The following SNX30 variants were observed in gnomAD, a reference collection of about 807,000 sequenced individuals.
SNX30 encodes sorting nexin family member 30, also known as sorting nexin-30.
SNX30 carries 24 observed loss-of-function variants against 46.4 expected under a neutral mutation model. The ratio of observed to expected loss-of-function variants is 0.52; its 90% CI spans 0.37 to 0.73. The LOEUF (loss-of-function observed/expected upper bound fraction) is 0.73, where lower values mean the gene tolerates loss of function less well. Ranked by LOEUF, SNX30 falls within the 30% of genes least tolerant of loss-of-function variation. The pLI, the probability that SNX30 is intolerant of heterozygous loss-of-function variation, is 0.00. For synonymous variants in SNX30, 189 were observed against 211.5 expected, an observed-to-expected ratio of 0.89 and a Z score of 0.92; for missense variants, 533 against 555.7, an observed-to-expected ratio of 0.96 and a Z score of 0.41.
Position 112,874,469 on chromosome 9 carries a change from G to A in SNX30, c.*5626G>A, listed in dbSNP as rs1356956831. 1.3e-5 allele frequency: 2 copies of A among 152,192 alleles called. No homozygotes were observed. Among genetic ancestry groups the A allele is most frequent in the East Asian group, 3.8e-4 (2 of 5,200 alleles). 9.4% of individuals were successfully genotyped at this position (152,192 alleles called of 1,614,324 possible). On this transcript the variant is annotated 3_prime_UTR_variant, in exon 9 of 9. Transcript: ENST00000374232. ...GATTAAAAACTTCGGCTTTGGACAT[G>A]TCCACATTATGGACTGTCATCTTAT...
At chr9:112,865,241 A>G (rs2131508395) in intron 8 of SNX30, among the ~76,000 whole-genome samples, 1 of 149,710 alleles carries the variant, frequency 6.7e-6, no homozygotes, top group African/African-American at 2.5e-5. Flanking sequence ...CACACACACC[A>G]TACACACACC....
At chr9:112,857,525 G>A (rs914161867) in intron 7 of SNX30, among the ~76,000 whole-genome samples, 7 of 152,284 alleles carry the variant, frequency 4.6e-5, no homozygotes, top group South Asian at 4.1e-4. Flanking sequence ...ACTCAGCAGC[G>A]TGTGGCTGTC....
rs144067392 is a variant in SNX30 at position 112,773,040 on chromosome 9, C to A, written c.156+21883C>A. 5.7e-3 allele frequency among the ~76,000 whole-genome samples: 871 copies of A among 152,280 alleles called. 5 individuals are homozygous for A. The highest frequency in any genetic ancestry group is 0.011 in the African/African-American group (471 of 41,560). ...AAGCTAAATGAATAAAGCATACTTACCACCTCTTGTTCCAAAGCAAGGAAG... is the reference window on the plus strand; with the variant it reads ...AAGCTAAATGAATAAAGCATACTTAACACCTCTTGTTCCAAAGCAAGGAAG... On this transcript the variant is annotated intron_variant, in intron 1 of 8. Transcript: ENST00000374232.
intron 1 of SNX30, among the ~76,000 whole-genome samples, chr9:112,766,093 C>T (rs886715492): frequency 5.3e-5 from 8 of 152,144 alleles, no homozygotes; most frequent in East Asian, 1.9e-4. Context: ...TGAGCCACCA[C>T]GCCCAGCCTA....
intron 1 of SNX30, among the ~76,000 whole-genome samples, chr9:112,772,337 A>G (rs1261929808): frequency 2.0e-5 from 3 of 151,754 alleles, no homozygotes; most frequent in Admixed American, 6.6e-5. Flanking sequence ...AGTTGCCTTC[A>G]CTCTTCTGCT....
chr9:112,869,186 G>A lies in SNX30; in HGVS notation c.*343G>A, dbSNP rs1841406985. On this transcript the variant is annotated 3_prime_UTR_variant, in exon 9 of 9. Coordinates refer to ENST00000374232, the MANE Select transcript of SNX30 (RefSeq NM_001012994.2). ...CATGACAGTTTCCTCTTTAGGGACAGCTGAGTTGCCAGTTGTGGGAGAGAA... is the reference window on the plus strand; with the variant it reads ...CATGACAGTTTCCTCTTTAGGGACAACTGAGTTGCCAGTTGTGGGAGAGAA... 3 of 243,662 alleles carry A rather than the reference G, an allele frequency of 1.2e-5. No individual in the cohort carries two copies. The South Asian group carries it at 1.9e-4, about 15-fold the overall frequency. The allele number at this position is 243,662 out of a possible 1,614,324, so 15.1% of individuals were successfully genotyped here.
intron 6 of SNX30, 144 bp from the exon 7 acceptor site, chr9:112,850,715 G>A: frequency 3.9e-6 from 2 of 508,874 alleles, no homozygotes; most frequent in South Asian, 3.8e-5. Context: ...TTTCTGCCAT[G>A]GCCAGACTGT....
At chr9:112,841,097 C>G (rs754508994) in intron 6 of SNX30, among the ~76,000 whole-genome samples, 14 of 152,216 alleles carry the variant, frequency 9.2e-5, no homozygotes, top group Non-Finnish European at 2.1e-4. Context: ...TTTTACAATT[C>G]CTGGAGTGTC....
At chr9:112,834,372 G>A (rs1407419494) in intron 4 of SNX30, among the ~76,000 whole-genome samples, 3 of 152,158 alleles carry the variant, frequency 2.0e-5, no homozygotes, top group Non-Finnish European at 2.9e-5. Flanking sequence ...TGGGCTTCCC[G>A]TGACCTCTTC....
At chr9:112,761,468 A>C (rs1364925038) in intron 1 of SNX30, among the ~76,000 whole-genome samples, 1 of 151,976 alleles carries the variant, frequency 6.6e-6, no homozygotes, top group Non-Finnish European at 1.5e-5. Flanking sequence ...CGGCCCCAAG[A>C]GGGTTTTTGA....
downstream of SNX30, chr9:112,877,354 G>C (rs1841530491): frequency 6.6e-6 from 1 of 152,272 alleles, no homozygotes; most frequent in Non-Finnish European, 1.5e-5. Context: ...GGCTTTTCAG[G>C]AGTAGGAACG....
chr9:112,821,337 A>G (rs903328054), intron 3 of SNX30, among the ~76,000 whole-genome samples: 10 of 152,106 alleles, frequency 6.6e-5, no homozygotes, highest in Admixed American at 6.5e-4. Context: ...ATTAAGATCC[A>G]TTGCCCATTT....
At chr9:112,853,741 A>G (rs1176011906) in intron 7 of SNX30, among the ~76,000 whole-genome samples, 1 of 152,236 alleles carries the variant, frequency 6.6e-6, no homozygotes, top group African/African-American at 2.4e-5. Flanking sequence ...CAAAAGGTAC[A>G]AACTTTCAGT....
rs922487959 is a variant in SNX30 at position 112,871,334 on chromosome 9, C to T, written c.*2491C>T. 6.6e-6 allele frequency: 1 copy of T among 152,066 alleles called. No individual in the cohort carries two copies. The highest frequency in any genetic ancestry group is 2.4e-5 in the African/African-American group (1 of 41,402). 9.4% of individuals were successfully genotyped at this position (152,066 alleles called of 1,614,324 possible). ...GTCTCATGAGGTGAGGAGGCTGGCC[C>T]AGAAGGAAGGGGACGTTAGGTGGTG... is the stretch of plus-strand genomic sequence containing the variant. On this transcript the variant is annotated 3_prime_UTR_variant, in exon 9 of 9. Transcript: ENST00000374232.
downstream of SNX30, among the ~76,000 whole-genome samples, chr9:112,883,461 C>T (rs978897614): frequency 2.0e-5 from 3 of 151,832 alleles, no homozygotes; most frequent in Admixed American, 6.6e-5. Flanking sequence ...AGGCTGTTTC[C>T]TCACCTGCAA....
At position 112,836,284 on chromosome 9, in the gene SNX30, C is replaced by T; in HGVS notation, c.689C>T (p.Thr230Ile). 1.2e-6 allele frequency: 2 copies of T among 1,613,260 alleles called. No individual in the cohort carries two copies. The highest frequency in any genetic ancestry group is 1.1e-5 in the South Asian group (1 of 91,074). The change falls in exon 5 of 9, where the codon ACT becomes ATT. Residue 230 changes from threonine (T) to isoleucine (I), a missense_variant. Coordinates refer to ENST00000374232, the MANE Select transcript of SNX30 (RefSeq NM_001012994.2). ...ATGGGCGAGTCAGTCAAGCACGTCA[C>T]TGGCGGCTACAAGCTGAGGACTCGG... ...TRMGESVKHVTGGYKLRTRPL... is the reference protein window; with the variant it reads ...TRMGESVKHVIGGYKLRTRPL...
At chr9:112,876,146 G>T (rs938622827), downstream of SNX30, among the ~76,000 whole-genome samples, 2 of 152,066 alleles carry the variant, frequency 1.3e-5, no homozygotes, top group African/African-American at 4.8e-5. Flanking sequence ...TCAGATTGAA[G>T]GCCTGAAGAA....
At chr9:112,879,805 TTA>T, downstream of SNX30, 1 of 1,613,138 alleles carries the variant, frequency 6.2e-7, no homozygotes, top group Non-Finnish European at 8.5e-7. Flanking sequence ...TGGGACTTGT[TTA>T]TAGGCCACGA....
intron 7 of SNX30, among the ~76,000 whole-genome samples, chr9:112,852,200 G>A (rs1420194800): frequency 2.6e-5 from 4 of 151,722 alleles, no homozygotes; most frequent in African/African-American, 4.9e-5. Context: ...TTATGATTGC[G>A]CCTGTGAATG....
Sources: gnomAD v4.1 joint callset for allele counts (sites outside exome capture counted in the v4.1 genomes callset) on GRCh38, gnomAD v4.1.1 for gene constraint, MANE v1.5 for transcripts, NCBI Gene and HGNC (gene_info 2026-07-23, HGNC 2026-07-21) for gene names.